The following MLIP variants were observed in gnomAD, a reference collection of about 807,000 sequenced individuals.
MLIP encodes muscular LMNA-interacting protein.
MLIP carries 79 observed loss-of-function variants against 84.8 expected under a neutral mutation model. That is an observed-to-expected ratio of 0.93 (90% CI 0.78 to 1.12). The LOEUF (loss-of-function observed/expected upper bound fraction) is 1.12, where lower values mean the gene tolerates loss of function less well. Among genes scored for constraint, MLIP ranks in the 50% most tolerant of loss-of-function variants. The pLI is 0.00. For synonymous variants in MLIP, 504 were observed against 463.0 expected (o/e 1.09, Z -1.14); for missense variants, 1,257 against 1,160.6 (o/e 1.08, Z -1.21).
intron 3 of MLIP, among the ~76,000 whole-genome samples, chr6:54,133,912 T>C (rs1771595230): frequency 6.6e-6 from 1 of 152,128 alleles, no homozygotes; most frequent in South Asian, 2.1e-4. Flanking sequence ...AGCATAGTTC[T>C]GGGTATTGGA....
intron 4 of MLIP, among the ~76,000 whole-genome samples, chr6:54,142,864 C>T (rs965608867): frequency 2.6e-5 from 4 of 151,308 alleles, no homozygotes; most frequent in Non-Finnish European, 4.4e-5. Context: ...GGCAGAGTAA[C>T]AAACATTCAC....
intron 11 of MLIP, chr6:54,216,505 C>A: frequency 1.0e-6 from 1 of 985,406 alleles, no homozygotes; most frequent in Non-Finnish European, 1.2e-6. Context: ...CATGCTGATC[C>A]ATGCCATCTG....
At chr6:54,163,260 TC>T (rs760998073) in intron 8 of MLIP, among the ~76,000 whole-genome samples, 1 of 151,928 alleles carries the variant, frequency 6.6e-6, no homozygotes, top group African/African-American at 2.4e-5. Flanking sequence ...TTCCTTTTTT[TC>T]ATACCCTTTT....
chr6:54,089,837 T>C (rs191616061), intron 1 of MLIP, among the ~76,000 whole-genome samples: 12 of 152,244 alleles, frequency 7.9e-5, no homozygotes, highest in Admixed American at 5.9e-4. Flanking sequence ...TATAACAAAA[T>C]TAGGCCATCA....
In MLIP at chr6:54,169,540, C is replaced by A. The variant is rs1160624570; in HGVS notation, c.2512C>A (p.Leu838Ile). 3.1e-6 allele frequency: 5 copies of A among 1,591,858 alleles called. 1 individual carries two copies. The highest frequency in any genetic ancestry group is 1.1e-5 in the South Asian group (1 of 87,138). The stretch of plus-strand genomic sequence containing the variant: ...TATTTTCATACAGACTCCTACAACT[C>A]TTCCAAGAGCAGCTGGTCGAGAAAC... ...GSDTVKTPTT[L>I]PRAAGRETKY... Residue 838 changes from leucine (L) to isoleucine (I), a missense_variant, in exon 9 of 14, where the codon CTT becomes ATT. Coordinates refer to ENST00000502396, the MANE Select transcript of MLIP (RefSeq NM_001281747.2).
At chr6:54,231,017 A>G in intron 12 of MLIP, 100 bp downstream of exon 12, 1 of 883,584 alleles carries the variant, frequency 1.1e-6, no homozygotes, top group Non-Finnish European at 1.7e-6. Flanking sequence ...TGTTAGGAAT[A>G]TTTAAATATT....
intron 1 of MLIP, chr6:54,029,566 A>G (rs913701487): frequency 1.3e-5 from 2 of 152,216 alleles, no homozygotes; most frequent in Admixed American, 1.3e-4. Context: ...CCAGTCTCAG[A>G]TATTTTGTTA....
chr6:54,213,329 A>G (rs1779592445), intron 11 of MLIP, among the ~76,000 whole-genome samples: 1 of 152,228 alleles, frequency 6.6e-6, no homozygotes, highest in African/African-American at 2.4e-5. Flanking sequence ...CTCCTTAAGC[A>G]TGAACAATAT....
intron 12 of MLIP, among the ~76,000 whole-genome samples, chr6:54,242,213 GC>G (rs1781787103): frequency 6.6e-6 from 1 of 152,156 alleles, no homozygotes; most frequent in Admixed American, 6.5e-5. Context: ...TCACAAGCTG[GC>G]TTTAGCCTGC....
chr6:54,212,265 T>G (rs967768965), intron 11 of MLIP, among the ~76,000 whole-genome samples: 6 of 152,244 alleles, frequency 3.9e-5, no homozygotes, highest in East Asian at 1.9e-4. Flanking sequence ...AAGCCATTCC[T>G]GATATTGGAT....
intron 1 of MLIP, among the ~76,000 whole-genome samples, chr6:54,049,808 TTAAA>T (rs2150315221): frequency 6.6e-6 from 1 of 152,308 alleles, no homozygotes; most frequent in Admixed American, 6.5e-5. Context: ...GAAGTAATCA[TTAAA>T]TAGTTTTGGA....
rs530660981 is a variant in MLIP at position 54,145,415 on chromosome 6, A to G, written c.2218-3641A>G. Among the ~76,000 whole-genome samples the G allele has an allele frequency of 6.6e-5, 10 of 152,242 alleles. No homozygotes were observed. In the South Asian group the frequency reaches 1.9e-3, roughly 28 times the overall value. On this transcript the variant is annotated intron_variant, in intron 4 of 13. Transcript: ENST00000502396. Reference sequence around the variant, plus strand: ...TTTGGGCAATAAATAGGATTTTTATACTGAAAAGGAAAGGGTATGTATGTC... The same window carrying G: ...TTTGGGCAATAAATAGGATTTTTATGCTGAAAAGGAAAGGGTATGTATGTC...
intron 9 of MLIP, among the ~76,000 whole-genome samples, chr6:54,176,616 G>A (rs1562019443): frequency 1.3e-5 from 2 of 151,686 alleles, no homozygotes; most frequent in African/African-American, 4.8e-5. Flanking sequence ...TGGGAAAATG[G>A]CCATACTGCC....
chr6:54,101,514 A>T (rs1286198773), intron 1 of MLIP, among the ~76,000 whole-genome samples: 1 of 152,170 alleles, frequency 6.6e-6, no homozygotes, highest in Non-Finnish European at 1.5e-5. Context: ...TGAGTAAGTT[A>T]TATAGGATTA....
At chr6:54,246,359 T>C (rs1199033581) in intron 12 of MLIP, among the ~76,000 whole-genome samples, 7 of 152,182 alleles carry the variant, frequency 4.6e-5, no homozygotes, top group Non-Finnish European at 7.4e-5. Context: ...TTCTGGTTCA[T>C]TGATTTTATT....
intron 4 of MLIP, among the ~76,000 whole-genome samples, chr6:54,145,690 T>A (rs1396261443): frequency 6.6e-6 from 1 of 151,902 alleles, no homozygotes; most frequent in Non-Finnish European, 1.5e-5. Flanking sequence ...GTGGAAGAAT[T>A]GCTTGAGCTC....
chr6:54,126,288 C>T (rs1289169478), intron 3 of MLIP, among the ~76,000 whole-genome samples: 2 of 151,918 alleles, frequency 1.3e-5, no homozygotes, highest in East Asian at 1.9e-4. Context: ...ACTCTTTCTC[C>T]AACTGATAGT....
intron 4 of MLIP, among the ~76,000 whole-genome samples, chr6:54,141,312 C>CTTTT (rs376576497): frequency 1.6e-5 from 2 of 128,460 alleles, no homozygotes; most frequent in African/African-American, 6.2e-5. Flanking sequence ...CTCAGCCTGC[C>CTTTT]TTTTTTTTTT....
chr6:54,250,583 C>T (rs900057049), intron 12 of MLIP, among the ~76,000 whole-genome samples: 2 of 152,028 alleles, frequency 1.3e-5, no homozygotes, highest in African/African-American at 2.4e-5. Flanking sequence ...TAACAGTGTT[C>T]ATTCATTTAA....
Sources: gnomAD v4.1 joint callset for allele counts (sites outside exome capture counted in the v4.1 genomes callset) on GRCh38, gnomAD v4.1.1 for gene constraint, MANE v1.5 for transcripts, NCBI Gene and HGNC (gene_info 2026-07-23, HGNC 2026-07-21) for gene names.